SIRT6: variants seen among roughly 807,000 people sequenced by gnomAD.
SIRT6 encodes the protein sirtuin 6, also known as NAD-dependent protein deacylase sirtuin-6.
Under a neutral mutation model 33.6 loss-of-function variants are expected in SIRT6, and 21 were observed. The observed-to-expected ratio is 0.62, with a 90% CI of 0.44 to 0.90. The LOEUF is 0.90. Ranked by LOEUF, SIRT6 falls within the 40% of genes least tolerant of loss-of-function variation. The probability of loss-of-function intolerance (pLI) is 0.00; values close to 1 mark genes in which losing one functional copy is unlikely to be tolerated. For synonymous variants in SIRT6, 221 were observed against 223.9 expected (o/e 0.99, Z 0.12); for missense variants, 504 against 510.6 (o/e 0.99, Z 0.12).
Position 4,174,867 on chromosome 19 carries a change from A to G in SIRT6, c.818T>C (p.Ile273Thr). The G allele has an allele frequency of 6.2e-7, 1 of 1,600,726 alleles. No individual in the cohort carries two copies. The highest frequency in any genetic ancestry group is 8.5e-7 in the Non-Finnish European group (1 of 1,179,500). The change falls in exon 8 of 8, where the codon ATC becomes ACC. Residue 273 changes from isoleucine (I) to threonine (T), a missense_variant. Ile to Thr is a moderately conservative substitution (Grantham distance 89, BLOSUM62 -1). Transcript: ENST00000337491. The surrounding 1 kb of genome is among the most constrained non-coding windows in gnomAD (Gnocchi z 4.2). ...CACACGGGGGCCGTCCCAGGCGGGG[A>G]TCTCCAGCCCCAGGTGCTTCATGAG... Reference protein sequence around the residue: ...TRLMKHLGLEIPAWDGPRVLE... With the variant: ...TRLMKHLGLETPAWDGPRVLE...
At position 4,174,690 on chromosome 19, in the gene SIRT6, T is replaced by C; in HGVS notation, c.995A>G (p.Lys332Arg). ...GGCAGGGCTGGTGGGCCGCTCCCGT[T>C]TGGGGCTGGCGGGCTCTGAGCCGTT... is the stretch of plus-strand genomic sequence containing the variant. The part of the protein sequence containing the change: ...QHNGSEPASP[K>R]RERPTSPAPH... Residue 332 changes from lysine (K) to arginine (R), a missense_variant, in exon 8 of 8, where the codon AAA (lysine) becomes AGA (arginine). By Grantham distance (26) the Lys-to-Arg change is conservative. Transcript: ENST00000337491. The surrounding 1 kb of genome is among the most constrained non-coding windows in gnomAD (Gnocchi z 4.2). 6.8e-7 allele frequency: 1 copy of C among 1,462,050 alleles called. No homozygotes were observed. Among genetic ancestry groups the C allele is most frequent in the Non-Finnish European group, 9.0e-7 (1 of 1,105,378 alleles). The allele number at this position is 1,462,050 out of a possible 1,614,324, so 90.6% of individuals were successfully genotyped here.
chr19:4,179,441 A>G, intron 2 of SIRT6, 155 bp from the exon 3 acceptor site: 1 of 771,306 alleles, frequency 1.3e-6, no homozygotes, highest in East Asian at 2.7e-5. Context: ...AGAAACAGAA[A>G]TAGAGGGTGA....
Position 4,174,626 on chromosome 19 carries a change from G to A in SIRT6, c.1059C>T (p.Val353=). ...RPPKRVKAKA[V]PS ...TCCCCAAGCACCCTGGTCAGCTGGG[G>A]ACCGCCTTGGCCTTCACCCTTTTGG... is the stretch of plus-strand genomic sequence containing the variant. Residue 353 remains valine (V), a synonymous_variant, in exon 8 of 8, where the codon GTC becomes GTT. Coordinates refer to ENST00000337491, the MANE Select transcript of SIRT6 (RefSeq NM_016539.4). This position sits in a 1 kb window ranked among gnomAD's most constrained non-coding sequence, Gnocchi z 4.2. 7.0e-7 allele frequency: 1 copy of A among 1,436,780 alleles called. No homozygotes were observed. Among genetic ancestry groups the A allele is most frequent in the Non-Finnish European group, 9.2e-7 (1 of 1,092,028 alleles). 89.0% of individuals were successfully genotyped at this position (1,436,780 alleles called of 1,614,324 possible).
At chr19:4,176,317 G>A (rs1281959085) in intron 4 of SIRT6, among the ~76,000 whole-genome samples, 1 of 152,196 alleles carries the variant, frequency 6.6e-6, no homozygotes, top group Non-Finnish European at 1.5e-5. Flanking sequence ...TGGGCCGGGC[G>A]TGGTGGCTCA....
Position 4,179,148 on chromosome 19 carries a change from G to A in SIRT6, c.333C>T (p.Val111=). 6.2e-7 allele frequency: 1 copy of A among 1,612,662 alleles called. No individual in the cohort carries two copies. Among genetic ancestry groups the A allele is most frequent in the Non-Finnish European group, 8.5e-7 (1 of 1,179,808 alleles). ...CATGGAGCCCGTCCACGTTCTGGCTGACCAGGAAGCGGAGGAGGCCCACGC... is the reference window on the plus strand; with the variant it reads ...CATGGAGCCCGTCCACGTTCTGGCTAACCAGGAAGCGGAGGAGGCCCACGC... ...LERVGLLRFL[V]SQNVDGLHVR... The change falls in exon 3 of 8, where the codon GTC becomes GTT. Residue 111 remains valine, a synonymous_variant. Coordinates refer to ENST00000337491, the MANE Select transcript of SIRT6 (RefSeq NM_016539.4).
rs766417688 is a variant in SIRT6 at position 4,175,064 on chromosome 19, G to T, written c.702C>A (p.Gly234=). The T allele has an allele frequency of 6.3e-7, 1 of 1,588,924 alleles. No individual in the cohort carries two copies. Among genetic ancestry groups the T allele is most frequent in the East Asian group, 2.3e-5 (1 of 43,606 alleles). The stretch of plus-strand genomic sequence containing the variant: ...GCTGCAGGTTGACGATGACCAGGCG[G>T]CCTCCCCGGCGCTTGGTAGCCAGCG... ...NLPLATKRRG[G]RLVIVNLQPT... is the part of the protein sequence containing the mutation. Residue 234 remains glycine (G), a synonymous_variant, in exon 7 of 8, where the codon GGC becomes GGA. Coordinates refer to ENST00000337491, the MANE Select transcript of SIRT6 (RefSeq NM_016539.4).
rs1310471781 is a variant in SIRT6, at chr19:4,177,085, C to T, written c.431G>A (p.Cys144Tyr). 4 of 1,613,624 alleles carry T rather than the reference C, an allele frequency of 2.5e-6. No homozygotes were observed. The highest frequency in any genetic ancestry group is 3.4e-6 in the Non-Finnish European group (4 of 1,179,746). Residue 144 changes from cysteine to tyrosine, a missense_variant, in exon 4 of 8, where the codon TGT becomes TAT. By Grantham distance (194) the Cys-to-Tyr change is radical. Coordinates refer to ENST00000337491, the MANE Select transcript of SIRT6 (RefSeq NM_016539.4). ...GCACCCAGGTGGCACTCACGTCTTA[C>T]ACTTGGCACATTCTTCCACAAACAT... ...GNMFVEECAK[C>Y]KTQYVRDTVV...
chr19:4,181,270 C>A (rs1414223736), intron 1 of SIRT6, among the ~76,000 whole-genome samples: 1 of 152,198 alleles, frequency 6.6e-6, no homozygotes, highest in Non-Finnish European at 1.5e-5. Flanking sequence ...TGCTCTTCCC[C>A]CAGATACCCA....
At position 4,180,892 on chromosome 19, in the gene SIRT6, C is replaced by CT; in HGVS notation, c.83dup (p.Glu29GlyfsTer59). The CT allele has an allele frequency of 6.2e-7, 1 of 1,612,544 alleles. No individual in the cohort carries two copies. Among genetic ancestry groups the CT allele is most frequent in the Non-Finnish European group, 8.5e-7 (1 of 1,179,392 alleles). ...GTTCCCACACCTTCCGCTCCAGCTCCTCCGGGGGGTCGAAGATCTGTGGGG... is the reference window on the plus strand; with the variant it reads ...GTTCCCACACCTTCCGCTCCAGCTCCTTCCGGGGGGTCGAAGATCTGTGGGG... On this transcript the variant is annotated frameshift_variant, in exon 2 of 8. Transcript: ENST00000337491. LOFTEE classifies it high-confidence loss of function.
Position 4,180,885 on chromosome 19 carries a change from C to G in SIRT6, c.91G>C (p.Glu31Gln). The change falls in exon 2 of 8, where the codon GAG (glutamate) becomes CAG (glutamine). Residue 31 changes from glutamate to glutamine, a missense_variant. Physicochemically the swap from Glu to Gln is conservative, Grantham distance 29. Transcript: ENST00000337491. ...PEIFDPPEEL[E>Q]RKVWELARLV... Reference sequence around the variant, plus strand: ...CTCGCCAGTTCCCACACCTTCCGCTCCAGCTCCTCCGGGGGGTCGAAGATC... The same window carrying G: ...CTCGCCAGTTCCCACACCTTCCGCTGCAGCTCCTCCGGGGGGTCGAAGATC... The G allele has an allele frequency of 6.2e-7, 1 of 1,613,136 alleles. No individual in the cohort carries two copies. The highest frequency in any genetic ancestry group is 1.1e-5 in the South Asian group (1 of 90,994).
intron 4 of SIRT6, 130 bp from the exon 5 acceptor site, chr19:4,176,067 C>T: frequency 1.4e-6 from 1 of 702,158 alleles, no homozygotes; most frequent in East Asian, 2.8e-5. Context: ...CACCCAGCGA[C>T]ACGGAACGAG....
At chr19:4,178,786 G>A (rs1001958679) in intron 3 of SIRT6, among the ~76,000 whole-genome samples, 7 of 152,032 alleles carry the variant, frequency 4.6e-5, no homozygotes, top group East Asian at 3.9e-4. Context: ...GAGGCTGAGC[G>A]GAGATCACGC....
In SIRT6 at chr19:4,179,266, G is replaced by T. The variant is rs201177813; in HGVS notation, c.215C>A (p.Thr72Asn). 3 of 1,605,294 alleles carry T rather than the reference G, an allele frequency of 1.9e-6. No individual in the cohort carries two copies. The highest frequency in any genetic ancestry group is 1.3e-5 in the African/African-American group (1 of 74,980). Residue 72 changes from threonine (T) to asparagine (N), a missense_variant, in exon 3 of 8, where the codon ACC (threonine) becomes AAC (asparagine). Thr to Asn is a moderately conservative substitution (Grantham distance 65, BLOSUM62 0). Coordinates refer to ENST00000337491, the MANE Select transcript of SIRT6 (RefSeq NM_016539.4). ...GGGGGCCAGACCTCGCTCCTCCATG[G>T]TCCAGACTCCGTGGGGACCCCTGAA... is the stretch of plus-strand genomic sequence containing the variant. ...PDFRGPHGVW[T>N]MEERGLAPKF... is the part of the protein sequence containing the mutation.
Position 4,174,849 on chromosome 19 carries a change from G to C in SIRT6, c.836C>G (p.Pro279Arg). 1 of 1,597,154 alleles carries C rather than the reference G, an allele frequency of 6.3e-7. No homozygotes were observed. Among genetic ancestry groups the C allele is most frequent in the Non-Finnish European group, 8.5e-7 (1 of 1,178,350 alleles). ...LGLEIPAWDG[P>R]RVLERALPPL... Reference sequence around the variant, plus strand: ...TGGCAGCGCCCTCTCCAGCACACGGGGGCCGTCCCAGGCGGGGATCTCCAG... The same window carrying C: ...TGGCAGCGCCCTCTCCAGCACACGGCGGCCGTCCCAGGCGGGGATCTCCAG... Residue 279 changes from proline to arginine, a missense_variant, in exon 8 of 8, where the codon CCC becomes CGC. By Grantham distance (103) the Pro-to-Arg change is moderately radical. Coordinates refer to ENST00000337491, the MANE Select transcript of SIRT6 (RefSeq NM_016539.4). The surrounding 1 kb of genome is among the most constrained non-coding windows in gnomAD (Gnocchi z 4.2).
At position 4,175,149 on chromosome 19, in the gene SIRT6, T is replaced by C; in HGVS notation, c.617A>G (p.Asn206Ser). The C allele has an allele frequency of 6.2e-7, 1 of 1,600,934 alleles. No individual in the cohort carries two copies. Among genetic ancestry groups the C allele is most frequent in the Non-Finnish European group, 8.5e-7 (1 of 1,175,814 alleles). ...DLALADEASRNADLSITLGTS... is the reference protein window; with the variant it reads ...DLALADEASRSADLSITLGTS... ...ACCCAGCGTGATGGACAGGTCGGCG[T>C]TCCTGGGGCCGGGGAGCGTGGGCTG... The change falls in exon 7 of 8, where the codon AAC becomes AGC. Residue 206 changes from asparagine to serine, a missense_variant and splice_region_variant. Transcript: ENST00000337491.
chr19:4,175,128 A>T lies in SIRT6; in HGVS notation c.638T>A (p.Leu213Gln). Residue 213 changes from leucine (L) to glutamine (Q), a missense_variant, in exon 7 of 8, where the codon CTG becomes CAG. Physicochemically the swap from Leu to Gln is moderately radical, Grantham distance 113 (BLOSUM62 -2). Transcript: ENST00000337491. ...GGGCCGGATCTGCAGCGATGTACCCAGCGTGATGGACAGGTCGGCGTTCCT... is the reference window on the plus strand; with the variant it reads ...GGGCCGGATCTGCAGCGATGTACCCTGCGTGATGGACAGGTCGGCGTTCCT... ...ASRNADLSIT[L>Q]GTSLQIRPSG... 2 of 1,602,158 alleles carry T rather than the reference A, an allele frequency of 1.2e-6. No individual in the cohort carries two copies. The highest frequency in any genetic ancestry group is 1.7e-6 in the Non-Finnish European group (2 of 1,175,992).
chr19:4,182,405 C>T, intron 1 of SIRT6, 69 bp downstream of exon 1: 1 of 1,486,046 alleles, frequency 6.7e-7, no homozygotes, highest in South Asian at 1.2e-5. Context: ...CACAATGCCC[C>T]CCTGCCATCC....
chr19:4,175,778 A>G lies in SIRT6; in HGVS notation c.534-18T>C, dbSNP rs1967261737. ...GCTCTCCCCTGCAATGAGGAAGCTG[A>G]GGAGAGTCCTCAGGGGCCTCGCAGC... On this transcript the variant is annotated intron_variant, in intron 5 of 7. Transcript: ENST00000337491. 1 of 1,559,422 alleles carries G rather than the reference A, an allele frequency of 6.4e-7. No homozygotes were observed. The highest frequency in any genetic ancestry group is 1.9e-5 in the Admixed American group (1 of 52,050).
Position 4,177,141 on chromosome 19 carries a change from G to A in SIRT6, c.378-3C>T, listed in dbSNP as rs752417768. The A allele has an allele frequency of 1.2e-6, 2 of 1,613,780 alleles. No homozygotes were observed. The highest frequency in any genetic ancestry group is 3.3e-5 in the Admixed American group (2 of 59,986). ...CGTGGAGCTCTGCCAGTTTGTCCCT[G>A]TGGGAAGAGCAGGAAGAGGCTTGAT... On this transcript the variant is annotated splice_region_variant and splice_polypyrimidine_tract_variant and intron_variant, in intron 3 of 7. Transcript: ENST00000337491.
Sources: gnomAD v4.1 joint callset for allele counts (sites outside exome capture counted in the v4.1 genomes callset) on GRCh38, gnomAD v4.1.1 for gene constraint, Gnocchi (gnomAD v3.1) non-coding constraint, MANE v1.5 for transcripts, NCBI Gene and HGNC (gene_info 2026-07-23, HGNC 2026-07-21) for gene names.